Variants in SIPA1L3 observed in about 807,000 individuals in gnomAD.
SIPA1L3 encodes the protein signal-induced proliferation-associated 1-like protein 3.
Under a neutral mutation model 150.1 loss-of-function variants are expected in SIPA1L3, and 59 were observed. The observed-to-expected ratio is 0.39, with a 90% CI of 0.32 to 0.49. SIPA1L3 has a LOEUF of 0.49. Among genes scored for constraint, SIPA1L3 ranks in the 20% least tolerant of loss-of-function variants. SIPA1L3 has a pLI of 0.86. For missense variants in SIPA1L3, 2,211 were observed against 2,489.5 expected, an observed-to-expected ratio of 0.89 and a Z score of 2.38; for synonymous variants, 1,070 against 1,077.6, an observed-to-expected ratio of 0.99 and a Z score of 0.14.
chr19:38,134,413 A>AG (rs1390075544), intron 10 of SIPA1L3, among the ~76,000 whole-genome samples: 2 of 148,888 alleles, frequency 1.3e-5, no homozygotes, highest in Non-Finnish European at 3.0e-5. Flanking sequence ...CAAAAAAAAA[A>AG]AAAAAAAAAA....
chr19:37,933,986 G>C (rs770118372), intron 1 of SIPA1L3, among the ~76,000 whole-genome samples: 2 of 152,182 alleles, frequency 1.3e-5, no homozygotes, highest in African/African-American at 2.4e-5. Flanking sequence ...CTGGGAAGTA[G>C]CAATTAACCA....
intron 9 of SIPA1L3, among the ~76,000 whole-genome samples, chr19:38,123,530 C>CG (rs1971079209): frequency 8.7e-5 from 2 of 22,956 alleles, no homozygotes; most frequent in African/African-American, 1.3e-3. Flanking sequence ...GCCCTTAATC[C>CG]ATTAACCCTG....
Position 38,195,792 on chromosome 19 carries a change from GT to G in SIPA1L3, c.4840+2013del, listed in dbSNP as rs1300916013. Among the ~76,000 whole-genome samples the G allele has an allele frequency of 1.7e-3, 38 of 22,782 alleles. 1 individual carries two copies. The highest frequency in any genetic ancestry group is 5.8e-3 in the African/African-American group (23 of 3,938). The allele number at this position is 22,782 out of a possible 152,430, so 14.9% of individuals were successfully genotyped here. ...TGAGTCAGGCACCACCACAGGCCCC[GT>G]CCCCCCCCGCCCCCCCGGGTTTCTC... On this transcript the variant is annotated intron_variant, in intron 18 of 21. Coordinates refer to ENST00000222345, the MANE Select transcript of SIPA1L3 (RefSeq NM_015073.3).
Position 38,141,422 on chromosome 19 carries a change from C to A in SIPA1L3, c.3382C>A (p.Leu1128Met). 6.2e-7 allele frequency: 1 copy of A among 1,609,484 alleles called. No homozygotes were observed. The highest frequency in any genetic ancestry group is 1.3e-5 in the African/African-American group (1 of 75,034). The change falls in exon 11 of 22, where the codon CTG becomes ATG. Residue 1128 changes from leucine (L) to methionine (M), a missense_variant. Transcript: ENST00000222345. ...AGTCCCCTTCCGGGAGTCCCAGCCA[C>A]TGCACAGCAAGAGGTAAGCACCTGC... ...PIVPFRESQP[L>M]HSKRPVSFPE...
intron 2 of SIPA1L3, among the ~76,000 whole-genome samples, chr19:38,073,861 G>A (rs991256970): frequency 3.9e-5 from 6 of 152,188 alleles, no homozygotes; most frequent in Admixed American, 6.5e-5. Flanking sequence ...CCAAGCCCAC[G>A]TCCTGTGCCC....
intron 2 of SIPA1L3, among the ~76,000 whole-genome samples, chr19:38,066,138 G>A (rs1969583812): frequency 6.6e-6 from 1 of 151,568 alleles, no homozygotes; most frequent in South Asian, 2.1e-4. Flanking sequence ...TCAGCCTCTT[G>A]AGTAGCTGGT....
At chr19:38,075,105 G>A (rs1193622165) in intron 2 of SIPA1L3, among the ~76,000 whole-genome samples, 2 of 152,230 alleles carry the variant, frequency 1.3e-5, no homozygotes, top group East Asian at 1.9e-4. Flanking sequence ...TTGGAACTGC[G>A]TGGATCTATG....
chr19:38,133,501 A>G (rs1971362833), intron 10 of SIPA1L3, among the ~76,000 whole-genome samples: 1 of 152,182 alleles, frequency 6.6e-6, no homozygotes, highest in South Asian at 2.1e-4. Flanking sequence ...GAAGTGACCA[A>G]TGAGAGAGAC....
intron 3 of SIPA1L3, among the ~76,000 whole-genome samples, chr19:38,088,190 A>G (rs1451503846): frequency 6.6e-6 from 1 of 152,216 alleles, no homozygotes; most frequent in African/African-American, 2.4e-5. Flanking sequence ...GGCTGGGTCC[A>G]CCTTTAACTT....
chr19:38,040,471 A>G (rs1968891816), intron 2 of SIPA1L3, among the ~76,000 whole-genome samples: 1 of 152,148 alleles, frequency 6.6e-6, no homozygotes, highest in Non-Finnish European at 1.5e-5. Flanking sequence ...GTTACTGAAC[A>G]TGGGTAAGTG....
chr19:38,081,989 T>A lies in SIPA1L3; in HGVS notation c.424T>A (p.Ser142Thr), dbSNP rs371351443. Residue 142 changes from serine (S) to threonine (T), a missense_variant, in exon 3 of 22, where the codon TCC (serine) becomes ACC (threonine). Ser to Thr is a moderately conservative substitution (Grantham distance 58). This residue lies in a region of SIPA1L3 where 587 missense variants were observed against 534.5 expected (regional missense o/e 1.10). Coordinates refer to ENST00000222345, the MANE Select transcript of SIPA1L3 (RefSeq NM_015073.3). ...SSGSKAFHRL[S>T]RRRSKDVEFQ... Reference sequence around the variant, plus strand: ...AGGGTCCAAAGCCTTCCACCGACTCTCCAGGAGAAGGTCCAAAGACGTGGA... The same window carrying A: ...AGGGTCCAAAGCCTTCCACCGACTCACCAGGAGAAGGTCCAAAGACGTGGA... 7.4e-6 allele frequency: 12 copies of A among 1,614,052 alleles called. No individual in the cohort carries two copies. In the African/African-American group the frequency reaches 1.2e-4, roughly 16 times the overall value.
intron 1 of SIPA1L3, among the ~76,000 whole-genome samples, chr19:37,976,334 T>C (rs1487761393): frequency 6.6e-6 from 1 of 152,144 alleles, no homozygotes; most frequent in African/African-American, 2.4e-5. Flanking sequence ...AGATGCAGGC[T>C]GCCCCTGAAT....
chr19:38,118,052 C>T (rs1970930863), intron 8 of SIPA1L3, among the ~76,000 whole-genome samples: 1 of 151,992 alleles, frequency 6.6e-6, no homozygotes, highest in Non-Finnish European at 1.5e-5. Context: ...TTTTTTTCTT[C>T]TTTAAACCTC....
chr19:38,053,670 C>T (rs1211736897), intron 2 of SIPA1L3, among the ~76,000 whole-genome samples: 2 of 152,106 alleles, frequency 1.3e-5, no homozygotes. Flanking sequence ...GATCCTCCCA[C>T]CTCAGCCTCC....
chr19:38,142,448 G>C (rs1463580701), intron 11 of SIPA1L3, 125 bp from the exon 12 acceptor site: 2 of 1,097,986 alleles, frequency 1.8e-6, no homozygotes, highest in Non-Finnish European at 2.6e-6. Context: ...GGCTGGGCGG[G>C]GGAAAGTTCG....
At chr19:38,121,644 C>T (rs982525018) in intron 9 of SIPA1L3, among the ~76,000 whole-genome samples, 11 of 151,254 alleles carry the variant, frequency 7.3e-5, no homozygotes, top group Non-Finnish European at 1.5e-4. Context: ...GAGGCTGAGG[C>T]AGGAGAATGG....
intron 8 of SIPA1L3, among the ~76,000 whole-genome samples, chr19:38,118,503 C>T (rs944484957): frequency 1.3e-5 from 2 of 152,034 alleles, no homozygotes; most frequent in African/African-American, 4.8e-5. Flanking sequence ...AGAGGATGTT[C>T]AGACATCTGC....
At chr19:38,169,842 G>GGGGTCA (rs1173931665) in intron 15 of SIPA1L3, among the ~76,000 whole-genome samples, 44 of 152,294 alleles carry the variant, frequency 2.9e-4, no homozygotes, top group Non-Finnish European at 5.3e-4. Flanking sequence ...CCCAGGCAGA[G>GGGGTCA]GGGTCAGGGT....
chr19:37,924,119 G>A (rs2046480603), intron 1 of SIPA1L3, among the ~76,000 whole-genome samples: 1 of 151,978 alleles, frequency 6.6e-6, no homozygotes, highest in African/African-American at 2.4e-5. Context: ...ACCTTATTCA[G>A]TTGTACAAAA....
Sources: allele counts gnomAD v4.1 joint callset (sites outside exome capture counted in the v4.1 genomes callset), GRCh38; gene constraint gnomAD v4.1.1; regional missense constraint gnomAD v4.1.1; transcripts MANE v1.5; gene names NCBI Gene and HGNC (gene_info 2026-07-23, HGNC 2026-07-21).